Variants in BICRA observed in about 807,000 individuals in gnomAD.
BICRA encodes BRD4-interacting chromatin-remodeling complex-associated protein.
A neutral mutation model predicts 96.9 loss-of-function variants in BICRA; 31 were observed. That is an observed-to-expected ratio of 0.32 (90% CI 0.24 to 0.43). The LOEUF is 0.43. Among genes scored for constraint, BICRA ranks in the 20% least tolerant of loss-of-function variants. The probability of loss-of-function intolerance (pLI) is 1.00; values close to 1 mark genes in which losing one functional copy is unlikely to be tolerated. For synonymous variants in BICRA, 1,350 were observed against 1,071.8 expected (o/e 1.26, Z -5.07); for missense variants, 2,283 against 2,190.3 (o/e 1.04, Z -0.84).
chr19:47,667,625 G>C (rs1257171382), intron 1 of BICRA, among the ~76,000 whole-genome samples: 1 of 152,112 alleles, frequency 6.6e-6, no homozygotes, highest in East Asian at 1.9e-4. Context: ...CTGTGTTCCA[G>C]GGTCTTGCGA....
At chr19:47,656,566 A>G (rs1004312062) in intron 1 of BICRA, among the ~76,000 whole-genome samples, 1 of 152,204 alleles carries the variant, frequency 6.6e-6, no homozygotes, top group African/African-American at 2.4e-5. Flanking sequence ...AATATATAGA[A>G]CACAGCCACC....
At chr19:47,655,030 C>T (rs1166715447) in intron 1 of BICRA, among the ~76,000 whole-genome samples, 1 of 152,066 alleles carries the variant, frequency 6.6e-6, no homozygotes, top group African/African-American at 2.4e-5. Flanking sequence ...AAATCAATAA[C>T]GCACAATGCT....
intron 1 of BICRA, among the ~76,000 whole-genome samples, chr19:47,647,780 G>T (rs921829454): frequency 6.6e-6 from 1 of 152,034 alleles, no homozygotes; most frequent in East Asian, 1.9e-4. Flanking sequence ...CAAGATGTCC[G>T]CATCGTTAGT....
intron 1 of BICRA, among the ~76,000 whole-genome samples, chr19:47,669,169 C>A (rs1431434365): frequency 6.6e-6 from 1 of 151,718 alleles, no homozygotes; most frequent in Admixed American, 6.6e-5. Context: ...ATCTAGTGTT[C>A]CTAAGGGCAG....
chr19:47,656,582 T>C lies in BICRA; in HGVS notation c.-107-13861T>C, dbSNP rs535088750. ...ATATATAGAACACAGCCACCTGGAA[T>C]AACGATCAATTGCACAGGGGTTTTT... is the stretch of plus-strand genomic sequence containing the variant. On this transcript the variant is annotated intron_variant, in intron 1 of 14. Transcript: ENST00000594866. 7.9e-5 allele frequency among the ~76,000 whole-genome samples: 12 copies of C among 152,306 alleles called. No individual in the cohort carries two copies. The South Asian group carries it at 2.3e-3, about 29-fold the overall frequency.
At chr19:47,685,739 C>T (rs936639444) in intron 7 of BICRA, among the ~76,000 whole-genome samples, 1 of 97,362 alleles carries the variant, frequency 1.0e-5, no homozygotes. Context: ...ATTTGGCAGC[C>T]TCTGTGTGTG....
intron 1 of BICRA, 28 bp from the exon 2 acceptor site, chr19:47,670,415 C>T (rs1599838863): frequency 6.6e-6 from 1 of 152,312 alleles, no homozygotes; most frequent in Non-Finnish European, 1.5e-5. Context: ...CTTTCTCACT[C>T]ACTGTCTGTC....
At chr19:47,674,034 T>G (rs1219146643) in intron 4 of BICRA, among the ~76,000 whole-genome samples, 1 of 152,182 alleles carries the variant, frequency 6.6e-6, no homozygotes, top group Admixed American at 6.6e-5. Flanking sequence ...TAATGTCATT[T>G]GCACAATGAA....
At chr19:47,652,664 T>C (rs1015196429) in intron 1 of BICRA, among the ~76,000 whole-genome samples, 1 of 152,244 alleles carries the variant, frequency 6.6e-6, no homozygotes, top group Non-Finnish European at 1.5e-5. Flanking sequence ...ACTGATGGCT[T>C]AAATACTCTC....
In BICRA at chr19:47,701,273, C is replaced by T. The variant is rs1042217637; in HGVS notation, c.3596-55C>T. 6.2e-6 allele frequency: 8 copies of T among 1,293,970 alleles called. No homozygotes were observed. Among genetic ancestry groups the T allele is most frequent in the Non-Finnish European group, 8.8e-6 (8 of 909,038 alleles). The allele number at this position is 1,293,970 out of a possible 1,614,324, so 80.2% of individuals were successfully genotyped here. On this transcript the variant is annotated intron_variant, in intron 14 of 14. Coordinates refer to ENST00000594866, the MANE Select transcript of BICRA (RefSeq NM_001394372.1). The surrounding 1 kb of genome is among the most constrained non-coding windows in gnomAD (Gnocchi z 5.4). Reference sequence around the variant, plus strand: ...TCACTGCACACAGCTCCTCCCAGCTCGGTCGGGGGGTCCTCATCCTAACCC... The same window carrying T: ...TCACTGCACACAGCTCCTCCCAGCTTGGTCGGGGGGTCCTCATCCTAACCC...
At chr19:47,637,269 G>A (rs182606486) in intron 1 of BICRA, among the ~76,000 whole-genome samples, 3 of 151,532 alleles carry the variant, frequency 2.0e-5, no homozygotes, top group East Asian at 1.9e-4. Context: ...ACAGGCGCCC[G>A]CCACCACACC....
At chr19:47,691,908 C>T (rs555154558) in intron 7 of BICRA, among the ~76,000 whole-genome samples, 56 of 152,250 alleles carry the variant, frequency 3.7e-4, no homozygotes, top group Non-Finnish European at 7.3e-4. Context: ...AGAACAAGGA[C>T]ATTCTCTTAC....
At chr19:47,617,986 T>A (rs1409518891) in intron 1 of BICRA, among the ~76,000 whole-genome samples, 2 of 152,238 alleles carry the variant, frequency 1.3e-5, no homozygotes, top group Non-Finnish European at 2.9e-5. Flanking sequence ...TTTCATAGGT[T>A]GGGAAACTGA....
rs1294023773 is a variant in BICRA at position 47,681,965 on chromosome 19, GCC to G, written c.2107-9_2107-8del. 1 of 1,543,796 alleles carries G rather than the reference GCC, an allele frequency of 6.5e-7. No homozygotes were observed. Among genetic ancestry groups the G allele is most frequent in the East Asian group, 2.4e-5 (1 of 41,536 alleles). On this transcript the variant is annotated splice_polypyrimidine_tract_variant and intron_variant, in intron 6 of 14. Coordinates refer to ENST00000594866, the MANE Select transcript of BICRA (RefSeq NM_001394372.1). ...GCGGCTTTCTGATCCTGTGCGGGCT[GCC>G]CGTTGCAGGAGAGGAGCCAGCAGCC...
intron 1 of BICRA, among the ~76,000 whole-genome samples, chr19:47,645,438 A>C (rs958591479): frequency 6.6e-6 from 1 of 152,198 alleles, no homozygotes; most frequent in African/African-American, 2.4e-5. Context: ...AGGGCTGGTC[A>C]TCATCTTGTC....
chr19:47,675,836 C>A lies in BICRA; in HGVS notation c.85-15C>A. ...TGCTGACTTTTGACCTTGGATGGGG[C>A]GGGTCTTGTTGCAGCTTGACAGTGA... On this transcript the variant is annotated splice_polypyrimidine_tract_variant and intron_variant, in intron 4 of 14. Transcript: ENST00000594866. The surrounding 1 kb of genome is among the most constrained non-coding windows in gnomAD (Gnocchi z 4.7). 6.2e-7 allele frequency: 1 copy of A among 1,600,406 alleles called. No individual in the cohort carries two copies. Among genetic ancestry groups the A allele is most frequent in the Non-Finnish European group, 8.5e-7 (1 of 1,171,258 alleles).
At chr19:47,672,173 G>C (rs1972876453) in intron 2 of BICRA, among the ~76,000 whole-genome samples, 1 of 137,804 alleles carries the variant, frequency 7.3e-6, no homozygotes, top group Non-Finnish European at 1.6e-5. Context: ...ATGGATGGAA[G>C]GATGGAGGAT....
chr19:47,661,396 C>G (rs1441343717), intron 1 of BICRA, among the ~76,000 whole-genome samples: 1 of 151,868 alleles, frequency 6.6e-6, no homozygotes, highest in Non-Finnish European at 1.5e-5. Context: ...AGGTTGGACT[C>G]GTAGTTGGGG....
At chr19:47,642,346 T>C (rs993748924) in intron 1 of BICRA, among the ~76,000 whole-genome samples, 3 of 152,240 alleles carry the variant, frequency 2.0e-5, no homozygotes, top group Non-Finnish European at 4.4e-5. Flanking sequence ...ATCATTTCTC[T>C]TGGGCAAATA....
Sources: allele counts gnomAD v4.1 joint callset (sites outside exome capture counted in the v4.1 genomes callset), GRCh38; gene constraint gnomAD v4.1.1; non-coding constraint Gnocchi (gnomAD v3.1); transcripts MANE v1.5; gene names NCBI Gene and HGNC (gene_info 2026-07-23, HGNC 2026-07-21).